POFUT3: variants seen among roughly 807,000 people sequenced by gnomAD.
POFUT3 encodes protein O-fucosyltransferase 3, also known as GDP-fucose protein O-fucosyltransferase 3.
At chr8:33,310,959 A>T in the POFUT3 span, among the ~76,000 whole-genome samples, 1 of 152,232 alleles carries the variant, frequency 6.6e-6, no homozygotes, top group Non-Finnish European at 1.5e-5. Context: ...CAACAATGTC[A>T]TCAGAGACTT....
chr8:33,367,343 T>C, the POFUT3 span, among the ~76,000 whole-genome samples: 2 of 152,246 alleles, frequency 1.3e-5, no homozygotes, highest in Non-Finnish European at 2.9e-5. Flanking sequence ...GACATGCTCC[T>C]GCTGCAGTTA....
At chr8:33,344,063 G>A in the POFUT3 span, among the ~76,000 whole-genome samples, 3 of 152,064 alleles carry the variant, frequency 2.0e-5, no homozygotes, top group African/African-American at 4.8e-5. Context: ...CCATTTTTCC[G>A]TTAGTTCGTT....
the POFUT3 span, chr8:33,473,130 C>G: frequency 6.6e-6 from 1 of 152,114 alleles, no homozygotes; most frequent in Non-Finnish European, 1.5e-5. Context: ...GAGCCCAAGC[C>G]TGGGCGCCGG....
the POFUT3 span, among the ~76,000 whole-genome samples, chr8:33,314,310 T>A: frequency 1.3e-5 from 2 of 152,172 alleles, no homozygotes; most frequent in Non-Finnish European, 2.9e-5. Flanking sequence ...TTCAACCACG[T>A]GGGATGGAGG....
the POFUT3 span, among the ~76,000 whole-genome samples, chr8:33,418,829 G>C: frequency 3.9e-5 from 6 of 152,154 alleles, no homozygotes; most frequent in Admixed American, 3.9e-4. Context: ...ATCAATCTAA[G>C]TGTCCAATGG....
At chr8:33,362,227 T>C in the POFUT3 span, among the ~76,000 whole-genome samples, 2 of 152,140 alleles carry the variant, frequency 1.3e-5, no homozygotes, top group African/African-American at 4.8e-5. Flanking sequence ...CTGAGAGATT[T>C]TGTCACCACC....
the POFUT3 span, among the ~76,000 whole-genome samples, chr8:33,445,366 C>T: frequency 6.6e-6 from 1 of 152,140 alleles, no homozygotes; most frequent in Non-Finnish European, 1.5e-5. Flanking sequence ...ACATTCAATA[C>T]ACAGTTTCCA....
the POFUT3 span, among the ~76,000 whole-genome samples, chr8:33,393,278 C>A: frequency 4.3e-4 from 66 of 152,352 alleles, no homozygotes; most frequent in African/African-American, 1.4e-3. Flanking sequence ...ATGTTCACTG[C>A]TCTTACATTT....
chr8:33,308,303 A>T, the POFUT3 span, among the ~76,000 whole-genome samples: 1 of 152,218 alleles, frequency 6.6e-6, no homozygotes, highest in Non-Finnish European at 1.5e-5. Context: ...GAATCATAAA[A>T]ATTAATCTAA....
the POFUT3 span, among the ~76,000 whole-genome samples, chr8:33,379,844 A>ATAT: frequency 1.1e-3 from 50 of 44,960 alleles, no homozygotes; most frequent in Middle Eastern, 0.011. Context: ...TAAAAAAAAA[A>ATAT]AAATATATAT....
chr8:33,419,754 G>A, the POFUT3 span, among the ~76,000 whole-genome samples: 544 of 152,290 alleles, frequency 3.6e-3, 3 homozygotes, highest in African/African-American at 0.012. Context: ...TTTTCTGGGG[G>A]AAAAATAAAG....
the POFUT3 span, among the ~76,000 whole-genome samples, chr8:33,445,905 A>C: frequency 6.6e-6 from 1 of 152,182 alleles, no homozygotes; most frequent in East Asian, 1.9e-4. Flanking sequence ...AATAAAAAAA[A>C]GTTCACTTGC....
chr8:33,407,873 C>CACATCTGTAGTCACAGCTACTCGGG, the POFUT3 span, among the ~76,000 whole-genome samples: 238 of 150,838 alleles, frequency 1.6e-3, no homozygotes, highest in Non-Finnish European at 3.0e-3. Flanking sequence ...CATGGTGGCA[C>CACATCTGTAGTCACAGCTACTCGGG]ACATCTGTAG....
chr8:33,415,647 A>C, the POFUT3 span, among the ~76,000 whole-genome samples: 1 of 152,176 alleles, frequency 6.6e-6, no homozygotes, highest in Non-Finnish European at 1.5e-5. Context: ...CATCCAGCAT[A>C]ATAAAGGGTA....
the POFUT3 span, among the ~76,000 whole-genome samples, chr8:33,429,389 C>A: frequency 6.6e-6 from 1 of 152,176 alleles, no homozygotes; most frequent in Admixed American, 6.5e-5. Flanking sequence ...AAAATTAGAT[C>A]TGCCGTTGTG....
At chr8:33,357,356 T>A in the POFUT3 span, among the ~76,000 whole-genome samples, 1 of 152,054 alleles carries the variant, frequency 6.6e-6, no homozygotes, top group Non-Finnish European at 1.5e-5. Context: ...TTTGATCTTC[T>A]TTTCTAACTA....
At chr8:33,425,957 G>A in the POFUT3 span, among the ~76,000 whole-genome samples, 1 of 151,518 alleles carries the variant, frequency 6.6e-6, no homozygotes, top group Non-Finnish European at 1.5e-5. Context: ...AGGCTGGAGT[G>A]CAGTGGCATG....
At chr8:33,338,615 C>T in the POFUT3 span, among the ~76,000 whole-genome samples, 6 of 152,142 alleles carry the variant, frequency 3.9e-5, no homozygotes, top group Non-Finnish European at 5.9e-5. Flanking sequence ...ATGATGTTCA[C>T]CATTGCCCAG....
chr8:33,436,269 C>T, the POFUT3 span: 1 of 1,359,922 alleles, frequency 7.4e-7, no homozygotes, highest in Non-Finnish European at 1.0e-6. Flanking sequence ...GGAATTTCAG[C>T]CCACACACAT....
Sources: gnomAD v4.1 joint callset for allele counts (sites outside exome capture counted in the v4.1 genomes callset) on GRCh38, gnomAD v4.1.1 for gene constraint, MANE v1.5 for transcripts, NCBI Gene and HGNC (gene_info 2026-07-23, HGNC 2026-07-21) for gene names.